Variants in GPR89B observed in about 807,000 individuals in gnomAD.
The protein encoded by GPR89B is golgi pH regulator B, also known as G protein-coupled receptor 89B.
In GPR89B, 25 loss-of-function variants were observed where a neutral mutation model predicts 52.4. That is an observed-to-expected ratio of 0.48 (90% CI 0.35 to 0.67). The LOEUF (loss-of-function observed/expected upper bound fraction) is 0.67, where lower values mean the gene tolerates loss of function less well. Among genes scored for constraint, GPR89B ranks in the 30% least tolerant of loss-of-function variants. The pLI is 0.01. For synonymous variants in GPR89B, 52 were observed against 151.2 expected, an observed-to-expected ratio of 0.34 and a Z score of 4.81; for missense variants, 146 against 450.2, an observed-to-expected ratio of 0.32 and a Z score of 6.11.
In GPR89B at chr1:147,936,809, T is replaced by C. The variant is rs182779685; in HGVS notation, c.102+123T>C. ...GGAAGCTTTTACCAAATAAGTACTATATAACTATTAGATTGGAGAATATAA... is the reference window on the plus strand; with the variant it reads ...GGAAGCTTTTACCAAATAAGTACTACATAACTATTAGATTGGAGAATATAA... On this transcript the variant is annotated intron_variant, in intron 2 of 13. Coordinates refer to ENST00000314163, the MANE Select transcript of GPR89B (RefSeq NM_016334.5). The C allele has an allele frequency of 3.1e-5, 24 of 767,184 alleles. No homozygotes were observed. The Middle Eastern group carries it at 2.7e-3, about 87-fold the overall frequency. The allele number at this position is 767,184 out of a possible 1,614,324, so 47.5% of individuals were successfully genotyped here. A position where few individuals can be genotyped will look rare whatever the true frequency, so the allele number is the denominator to read the frequency against.
chr1:147,936,862 A>G (rs1654133985), intron 2 of GPR89B, among the ~76,000 whole-genome samples, 176 bp downstream of exon 2: 1 of 152,050 alleles, frequency 6.6e-6, no homozygotes, highest in South Asian at 2.1e-4. Flanking sequence ...AAAAGGGGGG[A>G]AAAAAGGCAA....
chr1:147,946,547 G>C (rs1325984003), intron 5 of GPR89B, among the ~76,000 whole-genome samples: 1 of 152,092 alleles, frequency 6.6e-6, no homozygotes, highest in African/African-American at 2.4e-5. Flanking sequence ...CCCACAGACA[G>C]ACACATTTAT....
At chr1:148,022,732 G>T in the GPR89B span, among the ~76,000 whole-genome samples, 2 of 137,812 alleles carry the variant, frequency 1.5e-5, no homozygotes, top group African/African-American at 2.8e-5. Context: ...AGGTTTTTTT[G>T]ACTTTTTTCT....
At chr1:147,961,454 T>C (rs1403630060) in intron 7 of GPR89B, among the ~76,000 whole-genome samples, 1 of 151,426 alleles carries the variant, frequency 6.6e-6, no homozygotes, top group Non-Finnish European at 1.5e-5. Flanking sequence ...AGGGCAACAA[T>C]GGGAAAAAAA....
At chr1:148,023,432 T>C in the GPR89B span, among the ~76,000 whole-genome samples, 1 of 145,456 alleles carries the variant, frequency 6.9e-6, no homozygotes, top group Non-Finnish European at 1.5e-5. Flanking sequence ...TTTGTTTTAA[T>C]GATTTACATT....
chr1:148,001,816 C>T, the GPR89B span, among the ~76,000 whole-genome samples: 2 of 151,626 alleles, frequency 1.3e-5, no homozygotes, highest in South Asian at 4.2e-4. Context: ...TATTAAAAGG[C>T]TGCAAGTTCC....
intron 5 of GPR89B, among the ~76,000 whole-genome samples, chr1:147,946,385 G>C (rs1208110544): frequency 1.3e-5 from 2 of 152,014 alleles, no homozygotes; most frequent in Non-Finnish European, 2.9e-5. Flanking sequence ...TCTCTCCAAA[G>C]TGGTAGATGA....
chr1:147,986,134 A>G, intron 10 of GPR89B, 65 bp from the exon 11 acceptor site: 8 of 1,610,106 alleles, frequency 5.0e-6, no homozygotes, highest in Middle Eastern at 4.5e-4. Flanking sequence ...CATTAGTTTC[A>G]GTCACTTTTT....
At chr1:148,017,520 G>A in the GPR89B span, among the ~76,000 whole-genome samples, 4 of 149,680 alleles carry the variant, frequency 2.7e-5, no homozygotes, top group South Asian at 2.1e-4. Context: ...GGATCACGAG[G>A]TCAGGAGATC....
the GPR89B span, among the ~76,000 whole-genome samples, chr1:147,998,880 CAAAAAA>C: frequency 1.3e-4 from 10 of 77,738 alleles, no homozygotes; most frequent in African/African-American, 1.4e-4. Context: ...GACTCTGTCT[CAAAAAA>C]AAAAAAAAAA....
At chr1:147,956,820 C>T (rs1235388414) in intron 7 of GPR89B, among the ~76,000 whole-genome samples, 1 of 151,754 alleles carries the variant, frequency 6.6e-6, no homozygotes, top group African/African-American at 2.4e-5. Flanking sequence ...TCACTGCAGC[C>T]TCCACCTCCC....
At chr1:147,953,093 A>G (rs2149058691) in intron 5 of GPR89B, among the ~76,000 whole-genome samples, 1 of 145,352 alleles carries the variant, frequency 6.9e-6, no homozygotes, top group South Asian at 2.2e-4. Context: ...TGTTATTTAT[A>G]ATTATTGTTG....
chr1:148,015,459 CA>C, the GPR89B span, among the ~76,000 whole-genome samples: 1 of 147,152 alleles, frequency 6.8e-6, no homozygotes, highest in Non-Finnish European at 1.5e-5. Context: ...GGATTATAGG[CA>C]CGCGCCACCA....
chr1:147,998,691 C>A, the GPR89B span, among the ~76,000 whole-genome samples: 2 of 150,904 alleles, frequency 1.3e-5, no homozygotes, highest in African/African-American at 2.4e-5. Context: ...ACCAGCCTGG[C>A]CAAAATGGTG....
intron 7 of GPR89B, among the ~76,000 whole-genome samples, chr1:147,957,921 G>A (rs1261838336): frequency 5.3e-5 from 8 of 151,556 alleles, no homozygotes; most frequent in South Asian, 2.1e-4. Context: ...AAAAGTAGCC[G>A]GGCGTGGTGG....
At chr1:148,017,467 G>A in the GPR89B span, among the ~76,000 whole-genome samples, 1 of 150,232 alleles carries the variant, frequency 6.7e-6, no homozygotes, top group Non-Finnish European at 1.5e-5. Context: ...AGGCGCGGTG[G>A]TTCATGCCTG....
chr1:147,982,294 T>G (rs1658316902), intron 10 of GPR89B, among the ~76,000 whole-genome samples: 1 of 151,470 alleles, frequency 6.6e-6, no homozygotes, highest in Admixed American at 6.6e-5. Context: ...ACTCCTAACC[T>G]TGTGATCTAC....
the GPR89B span, among the ~76,000 whole-genome samples, chr1:148,017,841 A>T: frequency 3.3e-5 from 5 of 150,658 alleles, 1 homozygote; most frequent in African/African-American, 1.2e-4. Flanking sequence ...TTATTAAAAT[A>T]TGCAGAGAAA....
At chr1:147,934,736 T>A (rs1170837628) in intron 1 of GPR89B, among the ~76,000 whole-genome samples, 2 of 152,038 alleles carry the variant, frequency 1.3e-5, no homozygotes, top group African/African-American at 4.8e-5. Context: ...TTTCTATCAT[T>A]GCACATCCAT....
Sources: allele counts gnomAD v4.1 joint callset (sites outside exome capture counted in the v4.1 genomes callset), GRCh38; gene constraint gnomAD v4.1.1; transcripts MANE v1.5; gene names NCBI Gene and HGNC (gene_info 2026-07-23, HGNC 2026-07-21).